Variants in ANKRD33B observed in about 807,000 individuals in gnomAD.
The protein encoded by ANKRD33B is ankyrin repeat domain-containing protein 33B.
ANKRD33B carries 6 observed loss-of-function variants against 21.5 expected under a neutral mutation model. The ratio of observed to expected loss-of-function variants is 0.28; its 90% CI spans 0.15 to 0.55. The LOEUF is 0.55. ANKRD33B is among the 20% of genes least tolerant of loss of function. The probability of loss-of-function intolerance (pLI) is 0.94; values close to 1 mark genes in which losing one functional copy is unlikely to be tolerated. For synonymous variants in ANKRD33B, 347 were observed against 342.4 expected, an observed-to-expected ratio of 1.01 and a Z score of -0.15; for missense variants, 698 against 747.2, an observed-to-expected ratio of 0.93 and a Z score of 0.77.
At chr5:10,588,570 A>T (rs1455572780) in intron 1 of ANKRD33B, among the ~76,000 whole-genome samples, 1 of 152,198 alleles carries the variant, frequency 6.6e-6, no homozygotes, top group African/African-American at 2.4e-5. Flanking sequence ...CCTCCCCATA[A>T]CATCACACTT....
intron 2 of ANKRD33B, among the ~76,000 whole-genome samples, chr5:10,621,089 T>G (rs1408513671): frequency 6.6e-6 from 1 of 152,218 alleles, no homozygotes; most frequent in African/African-American, 2.4e-5. Flanking sequence ...GCTGAAGTTA[T>G]CCCAAACCCA....
At chr5:10,630,530 C>T (rs1313015955) in intron 2 of ANKRD33B, among the ~76,000 whole-genome samples, 2 of 152,094 alleles carry the variant, frequency 1.3e-5, no homozygotes, top group Admixed American at 6.6e-5. Context: ...GAACTAAGGG[C>T]CTTCTGAAGG....
At chr5:10,597,999 A>T (rs1735851940) in intron 1 of ANKRD33B, among the ~76,000 whole-genome samples, 1 of 152,206 alleles carries the variant, frequency 6.6e-6, no homozygotes, top group Admixed American at 6.5e-5. Context: ...TTTTCTTGGC[A>T]TATGACTTTG....
intron 1 of ANKRD33B, among the ~76,000 whole-genome samples, chr5:10,578,323 A>C (rs1735369676): frequency 6.6e-6 from 1 of 152,218 alleles, no homozygotes; most frequent in Non-Finnish European, 1.5e-5. Context: ...AGTGCTGCCT[A>C]AGAGAAGCTG....
intron 1 of ANKRD33B, among the ~76,000 whole-genome samples, chr5:10,566,858 A>G (rs1217427754): frequency 6.6e-6 from 1 of 152,228 alleles, no homozygotes; most frequent in Non-Finnish European, 1.5e-5. Context: ...AAAATGGCTT[A>G]GTGCCCACAA....
At chr5:10,577,035 C>T (rs957220955) in intron 1 of ANKRD33B, among the ~76,000 whole-genome samples, 2 of 152,066 alleles carry the variant, frequency 1.3e-5, no homozygotes, top group African/African-American at 2.4e-5. Context: ...AAGCTGGTGC[C>T]GGGGATGGTC....
At chr5:10,597,767 G>A (rs1432619756) in intron 1 of ANKRD33B, among the ~76,000 whole-genome samples, 2 of 152,140 alleles carry the variant, frequency 1.3e-5, no homozygotes, top group South Asian at 2.1e-4. Flanking sequence ...TTACTCTAAA[G>A]TTGCTCACAT....
Position 10,619,314 on chromosome 5 carries a change from G to A in ANKRD33B, c.496+852G>A. 3.0e-6 allele frequency: 3 copies of A among 985,438 alleles called. No homozygotes were observed. Among genetic ancestry groups the A allele is most frequent in the African/African-American group, 1.7e-5 (1 of 57,364 alleles). 61.0% of individuals were successfully genotyped at this position (985,438 alleles called of 1,614,324 possible). ...GAAGGAAGGAGGGGAAGCTTACACGGTTGTCGGGTTGTTGAGAATCCCACT... is the reference window on the plus strand; with the variant it reads ...GAAGGAAGGAGGGGAAGCTTACACGATTGTCGGGTTGTTGAGAATCCCACT... On this transcript the variant is annotated intron_variant, in intron 2 of 3. Coordinates refer to ENST00000296657, the MANE Select transcript of ANKRD33B (RefSeq NM_001164440.2). The surrounding 1 kb of genome is among the most constrained non-coding windows in gnomAD (Gnocchi z 4.5).
rs992850130 is a variant in ANKRD33B at position 10,650,199 on chromosome 5, C to A, written c.*86C>A. ...CGCGGAGAAGGAGGCGGCCCCGTTG[C>A]GCATCGCACCACTTCCGCTCCATGG... On this transcript the variant is annotated 3_prime_UTR_variant, in exon 4 of 4. Transcript: ENST00000296657. 6 of 1,333,816 alleles carry A rather than the reference C, an allele frequency of 4.5e-6. No homozygotes were observed. The highest frequency in any genetic ancestry group is 5.8e-6 in the Non-Finnish European group (6 of 1,027,618). The allele number at this position is 1,333,816 out of a possible 1,614,324, so 82.6% of individuals were successfully genotyped here. A position where few individuals can be genotyped will look rare whatever the true frequency, so the allele number is the denominator to read the frequency against.
chr5:10,638,955 CGGAGTTGCACGGCGATGTTAGCG>C (rs1736945905), intron 3 of ANKRD33B, among the ~76,000 whole-genome samples: 1 of 96,520 alleles, frequency 1.0e-5, no homozygotes, highest in Admixed American at 9.9e-5. Context: ...GCGGGTGACG[CGGAGTTGCACGGCGATGTTAGCG>C]GGTGACGCGG....
rs1735959881 is a variant in ANKRD33B at position 10,602,772 on chromosome 5, A to G, written c.367-15561A>G. Among the ~76,000 whole-genome samples, 3 of 151,956 alleles carry G rather than the reference A, an allele frequency of 2.0e-5. No individual in the cohort carries two copies. In the South Asian group the frequency reaches 6.2e-4, roughly 32 times the overall value. ...GAACTTATAAAGCTGATCATAGTCTATAGATCCTGAAGGTCCAATTTGCTT... is the reference window on the plus strand; with the variant it reads ...GAACTTATAAAGCTGATCATAGTCTGTAGATCCTGAAGGTCCAATTTGCTT... On this transcript the variant is annotated intron_variant, in intron 1 of 3. Coordinates refer to ENST00000296657, the MANE Select transcript of ANKRD33B (RefSeq NM_001164440.2).
chr5:10,566,589 G>A lies in ANKRD33B; in HGVS notation c.366+1756G>A, dbSNP rs536453143. Among the ~76,000 whole-genome samples the A allele has an allele frequency of 3.3e-5, 5 of 152,324 alleles. No homozygotes were observed. The South Asian group carries it at 6.2e-4, about 19-fold the overall frequency. ...CAGTCCCCACTCTAGGGCACCACTGGGCTCAGCTTTATATAATGTTTCCTT... is the reference window on the plus strand; with the variant it reads ...CAGTCCCCACTCTAGGGCACCACTGAGCTCAGCTTTATATAATGTTTCCTT... On this transcript the variant is annotated intron_variant, in intron 1 of 3. Transcript: ENST00000296657.
At chr5:10,613,638 C>T (rs891982390) in intron 1 of ANKRD33B, among the ~76,000 whole-genome samples, 16 of 152,078 alleles carry the variant, frequency 1.1e-4, no homozygotes, top group South Asian at 1.0e-3. Flanking sequence ...GGGTGGCTCA[C>T]GCCTGTAATC....
chr5:10,589,531 C>CTTTTA (rs1219438967), intron 1 of ANKRD33B, among the ~76,000 whole-genome samples: 2 of 152,208 alleles, frequency 1.3e-5, no homozygotes, highest in Non-Finnish European at 2.9e-5. Context: ...TGACACCTCA[C>CTTTTA]TTTTATTTGT....
chr5:10,573,186 C>T lies in ANKRD33B; in HGVS notation c.366+8353C>T, dbSNP rs943527090. ...GACATCATTTAAAAATAATCTCTTC[C>T]AGCTGGGCGCGGTGGCTCACACCTG... On this transcript the variant is annotated intron_variant, in intron 1 of 3. Transcript: ENST00000296657. Among the ~76,000 whole-genome samples, 3 of 152,110 alleles carry T rather than the reference C, an allele frequency of 2.0e-5. No homozygotes were observed. The East Asian group carries it at 5.8e-4, about 29-fold the overall frequency.
chr5:10,564,368 C>T lies in ANKRD33B; in HGVS notation c.-100C>T, dbSNP rs1453206920. 2.3e-6 allele frequency: 2 copies of T among 851,618 alleles called. No individual in the cohort carries two copies. The highest frequency in any genetic ancestry group is 1.8e-5 in the African/African-American group (1 of 54,518). The allele number at this position is 851,618 out of a possible 1,614,324, so 52.8% of individuals were successfully genotyped here. ...CTGGAGCGCGCGGGCCACGGCTTCTCTGGGGACGCAGAAGCGAGAAGCGGG... is the reference window on the plus strand; with the variant it reads ...CTGGAGCGCGCGGGCCACGGCTTCTTTGGGGACGCAGAAGCGAGAAGCGGG... On this transcript the variant is annotated 5_prime_UTR_variant, in exon 1 of 4. Coordinates refer to ENST00000296657, the MANE Select transcript of ANKRD33B (RefSeq NM_001164440.2).
In ANKRD33B at chr5:10,650,212, T is replaced by G. The variant is rs13354827; in HGVS notation, c.*99T>G. On this transcript the variant is annotated 3_prime_UTR_variant, in exon 4 of 4. Transcript: ENST00000296657. The stretch of plus-strand genomic sequence containing the variant: ...GCGGCCCCGTTGCGCATCGCACCAC[T>G]TCCGCTCCATGGACCACGGGGCTGC... 395,774 of 1,277,320 alleles carry G rather than the reference T, an allele frequency of 0.31. 62,384 individuals are homozygous for G. Among genetic ancestry groups the G allele is most frequent in the African/African-American group, 0.4 (24,982 of 62,878 alleles). The allele number at this position is 1,277,320 out of a possible 1,614,324, so 79.1% of individuals were successfully genotyped here.
Position 10,643,712 on chromosome 5 carries a change from C to T in ANKRD33B, c.637+5544C>T, listed in dbSNP as rs929533175. 4.0e-5 allele frequency among the ~76,000 whole-genome samples: 6 copies of T among 148,268 alleles called. No homozygotes were observed. The East Asian group carries it at 8.1e-4, about 20-fold the overall frequency. ...GCACAAGCCTGTAATCCCAGCCACTCGGGAGGCTGAGGCAAGAGAATCGCT... is the reference window on the plus strand; with the variant it reads ...GCACAAGCCTGTAATCCCAGCCACTTGGGAGGCTGAGGCAAGAGAATCGCT... On this transcript the variant is annotated intron_variant, in intron 3 of 3. Coordinates refer to ENST00000296657, the MANE Select transcript of ANKRD33B (RefSeq NM_001164440.2).
intron 1 of ANKRD33B, among the ~76,000 whole-genome samples, chr5:10,584,490 A>G (rs1417116311): frequency 6.6e-6 from 1 of 152,150 alleles, no homozygotes; most frequent in African/African-American, 2.4e-5. Flanking sequence ...AGCTGCAGTG[A>G]GCCATGATCA....
Sources: gnomAD v4.1 joint callset for allele counts (sites outside exome capture counted in the v4.1 genomes callset) on GRCh38, gnomAD v4.1.1 for gene constraint, Gnocchi (gnomAD v3.1) non-coding constraint, MANE v1.5 for transcripts, NCBI Gene and HGNC (gene_info 2026-07-23, HGNC 2026-07-21) for gene names.